PCDHA3: variants seen among roughly 807,000 people sequenced by gnomAD.
PCDHA3 encodes protocadherin alpha-3.
In PCDHA3, 41 loss-of-function variants were observed where a neutral mutation model predicts 62.2. The observed-to-expected ratio is 0.66, with a 90% confidence interval of 0.51 to 0.86. PCDHA3 has a LOEUF of 0.86. PCDHA3 is among the 40% of genes least tolerant of loss of function. The pLI, the probability that PCDHA3 is intolerant of heterozygous loss-of-function variation, is 0.00. For missense variants in PCDHA3, 1,304 were observed against 1,241.2 expected, an observed-to-expected ratio of 1.05 and a Z score of -0.76; for synonymous variants, 640 against 555.4, an observed-to-expected ratio of 1.15 and a Z score of -2.14.
At chr5:140,950,669 G>C (rs1554219570) in intron 1 of PCDHA3, among the ~76,000 whole-genome samples, 1 of 151,992 alleles carries the variant, frequency 6.6e-6, no homozygotes, top group African/African-American at 2.4e-5. Flanking sequence ...TATCAAACAT[G>C]TACATGTATA....
chr5:140,925,082 AAAGGAAGGAAGG>A (rs138596875), intron 1 of PCDHA3, among the ~76,000 whole-genome samples: 78 of 147,388 alleles, frequency 5.3e-4, no homozygotes, highest in African/African-American at 1.8e-3. Context: ...GCTCATCTGG[AAAGGAAGGAAGG>A]AAGGAAGGAA....
At position 140,834,737 on chromosome 5, in the gene PCDHA3, T is replaced by G. The variant is rs2150225179; in HGVS notation, c.2394+31146T>G. ...TGGAAAGGCCGCTGCAGGTTTTCCATGTGGACGTGGAGGTGAAGGACATTA... is the reference window on the plus strand; with the variant it reads ...TGGAAAGGCCGCTGCAGGTTTTCCAGGTGGACGTGGAGGTGAAGGACATTA... On this transcript the variant is annotated intron_variant, in intron 1 of 3. Coordinates refer to ENST00000522353, the MANE Select transcript of PCDHA3 (RefSeq NM_018906.3). The G allele has an allele frequency of 1.1e-5, 18 of 1,614,112 alleles. No homozygotes were observed. The East Asian group carries it at 4.0e-4, about 36-fold the overall frequency.
At chr5:140,968,529 C>T in intron 1 of PCDHA3, 1 of 1,614,206 alleles carries the variant, frequency 6.2e-7, no homozygotes, top group Non-Finnish European at 8.5e-7. Flanking sequence ...ACCAACTCGT[C>T]AGCAGCCTTC....
intron 1 of PCDHA3, chr5:140,883,811 G>A: frequency 6.2e-7 from 1 of 1,612,586 alleles, no homozygotes; most frequent in African/African-American, 1.3e-5. Context: ...CGCGGAGAGC[G>A]GCAAGGTGTA....
intron 1 of PCDHA3, among the ~76,000 whole-genome samples, chr5:140,930,783 A>G (rs1211509868): frequency 6.6e-6 from 1 of 152,246 alleles, no homozygotes; most frequent in Non-Finnish European, 1.5e-5. Context: ...TATTTTCACA[A>G]TATAATAGAA....
At chr5:140,876,970 G>A in intron 1 of PCDHA3, 4 of 1,612,850 alleles carry the variant, frequency 2.5e-6, no homozygotes, top group Non-Finnish European at 3.4e-6. Flanking sequence ...GCGGCGGGTG[G>A]GCGAGCACGC....
chr5:140,838,075 ATAGTGTGT>A (rs2150283132), intron 1 of PCDHA3, among the ~76,000 whole-genome samples: 16,155 of 126,956 alleles, frequency 0.13, 1,025 homozygotes, highest in Middle Eastern at 0.15. Context: ...TTATATATAT[ATAGTGTGT>A]GTGTGTGTGT....
intron 1 of PCDHA3, chr5:140,834,576 C>G: frequency 2.5e-6 from 4 of 1,614,098 alleles, no homozygotes; most frequent in Non-Finnish European, 2.5e-6. Flanking sequence ...GCGCCTGTTC[C>G]GGGCGGTGTG....
chr5:140,839,351 T>C (rs1465264211), intron 1 of PCDHA3, among the ~76,000 whole-genome samples: 3 of 147,262 alleles, frequency 2.0e-5, no homozygotes, highest in Non-Finnish European at 4.5e-5. Context: ...GGATCCTCCT[T>C]AGCCACCTAA....
In PCDHA3 at chr5:140,968,374, C is replaced by T. The variant is rs782537254; in HGVS notation, c.2395-10575C>T. On this transcript the variant is annotated intron_variant, in intron 1 of 3. Coordinates refer to ENST00000522353, the MANE Select transcript of PCDHA3 (RefSeq NM_018906.3). ...GTGGCAGCCTTTATGCTGTCAACTC[C>T]TTTGACTATGAGAAGTTTCGGGAGT... is the stretch of plus-strand genomic sequence containing the variant. 5.0e-6 allele frequency: 8 copies of T among 1,614,064 alleles called. No homozygotes were observed. The Admixed American group carries it at 1.0e-4, about 20-fold the overall frequency.
intron 1 of PCDHA3, chr5:140,875,866 G>T: frequency 6.2e-7 from 1 of 1,614,192 alleles, no homozygotes; most frequent in Non-Finnish European, 8.5e-7. Context: ...CAACCCGCCG[G>T]TGTTCAGAGA....
chr5:140,910,546 A>G (rs2075078968), intron 1 of PCDHA3, among the ~76,000 whole-genome samples: 1 of 152,198 alleles, frequency 6.6e-6, no homozygotes, highest in Non-Finnish European at 1.5e-5. Context: ...CTATTTTGCA[A>G]AGTATTAGTC....
intron 1 of PCDHA3, chr5:140,882,794 G>C: frequency 6.2e-7 from 1 of 1,614,188 alleles, no homozygotes; most frequent in Non-Finnish European, 8.5e-7. Context: ...GGATCCCAAC[G>C]ATTATTTCAC....
intron 1 of PCDHA3, chr5:140,928,607 G>T: frequency 1.2e-6 from 2 of 1,614,188 alleles, no homozygotes; most frequent in Non-Finnish European, 1.7e-6. Context: ...ATTGTGCCCC[G>T]CTCTGCCAGG....
intron 1 of PCDHA3, among the ~76,000 whole-genome samples, chr5:140,934,142 T>C (rs1359446492): frequency 1.3e-5 from 2 of 152,170 alleles, no homozygotes; most frequent in African/African-American, 4.8e-5. Context: ...TTTCCTTCCT[T>C]ATATGTTTAT....
chr5:140,828,987 C>T (rs2150161632), intron 1 of PCDHA3: 5 of 1,613,856 alleles, frequency 3.1e-6, no homozygotes, highest in Admixed American at 3.3e-5. Flanking sequence ...GATCGAAATA[C>T]GGGAGAAATA....
intron 1 of PCDHA3, among the ~76,000 whole-genome samples, chr5:140,826,832 G>C (rs2150145487): frequency 6.6e-6 from 1 of 152,082 alleles, no homozygotes; most frequent in South Asian, 2.1e-4. Context: ...GTTACTAGAA[G>C]TTTCTCAAGT....
intron 1 of PCDHA3, chr5:140,969,304 C>A (rs782271875): frequency 9.3e-6 from 15 of 1,614,042 alleles, no homozygotes; most frequent in African/African-American, 1.3e-5. Flanking sequence ...TGATTATTCT[C>A]AAAAATGAGG....
intron 1 of PCDHA3, chr5:140,857,917 G>A: frequency 6.3e-7 from 1 of 1,597,868 alleles, no homozygotes; most frequent in South Asian, 1.1e-5. Context: ...CGTTTCGCGT[G>A]GGGCTGTACA....
Sources: allele counts gnomAD v4.1 joint callset (sites outside exome capture counted in the v4.1 genomes callset), GRCh38; gene constraint gnomAD v4.1.1; transcripts MANE v1.5; gene names NCBI Gene and HGNC (gene_info 2026-07-23, HGNC 2026-07-21).